TRPC3: variants seen among roughly 807,000 people sequenced by gnomAD.
TRPC3 encodes the protein short transient receptor potential channel 3.
In TRPC3, 54 loss-of-function variants were observed where a neutral mutation model predicts 90.9. The ratio of observed to expected loss-of-function variants is 0.59; its 90% CI spans 0.48 to 0.75. TRPC3 has a LOEUF of 0.75. Among genes scored for constraint, TRPC3 ranks in the 30% least tolerant of loss-of-function variants. The pLI, the probability that TRPC3 is intolerant of heterozygous loss-of-function variation, is 0.00. For synonymous variants in TRPC3, 424 were observed against 450.9 expected (o/e 0.94, Z 0.75); for missense variants, 918 against 1,194.5 (o/e 0.77, Z 3.41).
At chr4:121,900,858 C>T (rs755899780) in intron 9 of TRPC3, among the ~76,000 whole-genome samples, 3 of 152,094 alleles carry the variant, frequency 2.0e-5, no homozygotes, top group Non-Finnish European at 2.9e-5. Context: ...AACAAGCCTC[C>T]TGAGAGATCA....
intron 11 of TRPC3, among the ~76,000 whole-genome samples, chr4:121,881,053 G>C (rs1270044228): frequency 6.6e-6 from 1 of 151,980 alleles, no homozygotes. Context: ...AGTGGAAGGA[G>C]TGGATTCTCA....
At chr4:121,894,625 A>G (rs1728456135) in intron 10 of TRPC3, among the ~76,000 whole-genome samples, 3 of 115,978 alleles carry the variant, frequency 2.6e-5, no homozygotes, top group African/African-American at 9.9e-5. Flanking sequence ...GTGCAGTTGT[A>G]CAATCATGGC....
At chr4:121,899,718 T>C (rs200934579) in intron 9 of TRPC3, 23 bp from the exon 10 acceptor site, 31 of 1,504,902 alleles carry the variant, frequency 2.1e-5, no homozygotes, top group Middle Eastern at 1.7e-4. Flanking sequence ...ACAATTAACC[T>C]AGTAAATTAG....
chr4:121,894,980 T>G (rs1728469761), intron 10 of TRPC3, among the ~76,000 whole-genome samples: 1 of 152,104 alleles, frequency 6.6e-6, no homozygotes, highest in South Asian at 2.1e-4. Flanking sequence ...CTGACCACAA[T>G]GGAATAAAAT....
In TRPC3 at chr4:121,902,934, A is replaced by G. The variant is rs1372186923; in HGVS notation, c.2381T>C (p.Met794Thr). The G allele has an allele frequency of 6.2e-6, 10 of 1,613,604 alleles. No homozygotes were observed. The highest frequency in any genetic ancestry group is 1.1e-5 in the South Asian group (1 of 91,014). The change falls in exon 9 of 12, where the codon ATG becomes ACG. Residue 794 changes from methionine (M) to threonine (T), a missense_variant. Transcript: ENST00000379645. ...GCATTTGGGAAAGTTAACAATTCGC[A>G]TGATGAAATAAACAAATGATTTTGG... ...PSPKSFVYFI[M>T]RIVNFPKCRR... is the part of the protein sequence containing the mutation.
In TRPC3 at chr4:121,878,022, T is replaced by A. The variant is rs1012032283; in HGVS notation, c.*1714A>T. 2.0e-5 allele frequency among the ~76,000 whole-genome samples: 3 copies of A among 152,168 alleles called. No individual in the cohort carries two copies. Among genetic ancestry groups the A allele is most frequent in the Non-Finnish European group, 2.9e-5 (2 of 68,022 alleles). Reference sequence around the variant, plus strand: ...AATCCTGGACCATACTATAAAACTATCAGAAACATCTATTATAGAAACTTT... The same window carrying A: ...AATCCTGGACCATACTATAAAACTAACAGAAACATCTATTATAGAAACTTT... On this transcript the variant is annotated 3_prime_UTR_variant, in exon 12 of 12. Transcript: ENST00000379645.
At chr4:121,937,435 T>A (rs1163128836) in intron 1 of TRPC3, among the ~76,000 whole-genome samples, 1 of 152,264 alleles carries the variant, frequency 6.6e-6, no homozygotes, top group African/African-American at 2.4e-5. Flanking sequence ...ATTTAGTTTC[T>A]CTAAACTTTA....
At chr4:121,911,795 CA>C (rs961657432) in intron 5 of TRPC3, 81 bp downstream of exon 5, 16 of 1,343,986 alleles carry the variant, frequency 1.2e-5, no homozygotes, top group African/African-American at 7.5e-5. Context: ...GATATAATAA[CA>C]TTTTTTTTCA....
chr4:121,920,525 A>G (rs1406822692), intron 3 of TRPC3, among the ~76,000 whole-genome samples: 1 of 152,090 alleles, frequency 6.6e-6, no homozygotes, highest in East Asian at 1.9e-4. Context: ...CTCCATTTCA[A>G]AAAAAAGAAA....
intron 1 of TRPC3, among the ~76,000 whole-genome samples, chr4:121,941,147 T>C (rs1730297130): frequency 6.6e-6 from 1 of 152,202 alleles, no homozygotes; most frequent in Admixed American, 6.5e-5. Context: ...TCAGAACATT[T>C]TGGTTCTACA....
intron 5 of TRPC3, 145 bp from the exon 6 acceptor site, chr4:121,910,532 T>C (rs1324164699): frequency 1.5e-6 from 1 of 667,412 alleles, no homozygotes; most frequent in Non-Finnish European, 2.6e-6. Flanking sequence ...ACTGACTGTA[T>C]GGTCACTGAG....
chr4:121,877,780 A>C lies in TRPC3; in HGVS notation c.*1956T>G, dbSNP rs75892938. On this transcript the variant is annotated 3_prime_UTR_variant, in exon 12 of 12. Coordinates refer to ENST00000379645, the MANE Select transcript of TRPC3 (RefSeq NM_001130698.2). ...TCTACAGTTGTGAGGGGCATGGACA[A>C]AAAAAAAAAAAAAAAAAAGTCAGCT... Among the ~76,000 whole-genome samples, 1 of 780 alleles carries C rather than the reference A, an allele frequency of 1.3e-3. No homozygotes were observed. Among genetic ancestry groups the C allele is most frequent in the Non-Finnish European group, 2.5e-3 (1 of 406 alleles). The allele number at this position is 780 out of a possible 152,430, so 0.5% of individuals were successfully genotyped here. A position where few individuals can be genotyped will look rare whatever the true frequency, so the allele number is the denominator to read the frequency against.
At chr4:121,926,207 G>C (rs1729704979) in intron 2 of TRPC3, among the ~76,000 whole-genome samples, 1 of 152,128 alleles carries the variant, frequency 6.6e-6, no homozygotes, top group African/African-American at 2.4e-5. Flanking sequence ...ACCTCCGTGA[G>C]GACATCTGCC....
intron 5 of TRPC3, 24 bp from the exon 6 acceptor site, chr4:121,910,411 G>A (rs373681723): frequency 1.9e-6 from 3 of 1,598,496 alleles, no homozygotes; most frequent in East Asian, 2.2e-5. Context: ...TACAGAGGGT[G>A]CAGGTCAGAT....
At chr4:121,910,737 C>T (rs2149125008) in intron 5 of TRPC3, among the ~76,000 whole-genome samples, 1 of 152,200 alleles carries the variant, frequency 6.6e-6, no homozygotes, top group African/African-American at 2.4e-5. Flanking sequence ...TCCCATAAGA[C>T]TTTTGGAGAA....
At chr4:121,883,274 T>C (rs1266723773) in intron 10 of TRPC3, among the ~76,000 whole-genome samples, 2 of 152,224 alleles carry the variant, frequency 1.3e-5, no homozygotes, top group Admixed American at 6.5e-5. Context: ...CTGATTACAA[T>C]AGAAAAGACT....
rs138599520 is a variant in TRPC3, at chr4:121,932,724, G to A, written c.534C>T (p.Ala178=). The A allele has an allele frequency of 7.4e-6, 12 of 1,613,816 alleles. No individual in the cohort carries two copies. In the African/African-American group the frequency reaches 1.3e-4, roughly 18 times the overall value. Residue 178 remains alanine (A), a synonymous_variant, in exon 2 of 12, where the codon GCC becomes GCT. Transcript: ENST00000379645. The surrounding 1 kb of genome is among the most constrained non-coding windows in gnomAD (Gnocchi z 7.7). ...KKENLARIGD[A]LLLAISKGYV... ...AGCCCTTGCTGATGGCGAGCAGCAG[G>A]GCGTCGCCAATGCGCGCCAGGTTCT...
chr4:121,943,499 A>C (rs1227907604), intron 1 of TRPC3, among the ~76,000 whole-genome samples: 1 of 152,030 alleles, frequency 6.6e-6, no homozygotes, highest in African/African-American at 2.4e-5. Flanking sequence ...ATAACCTTTA[A>C]TAATTAATTA....
chr4:121,907,500 C>T lies in TRPC3; in HGVS notation c.1860G>A (p.Val620=), dbSNP rs1178912238. ...TGTACGCAATCCGAGAGAAGCTGAG[C>T]ACAACAGCTATGGCATAAAGGCCTT... ...ISEGLYAIAV[V]LSFSRIAYIL... is the part of the protein sequence containing the mutation. Residue 620 remains valine, a synonymous_variant, in exon 7 of 12, where the codon GTG becomes GTA. Coordinates refer to ENST00000379645, the MANE Select transcript of TRPC3 (RefSeq NM_001130698.2). The T allele has an allele frequency of 1.2e-6, 2 of 1,613,214 alleles. No homozygotes were observed. The highest frequency in any genetic ancestry group is 1.7e-6 in the Non-Finnish European group (2 of 1,179,488).
Sources: gnomAD v4.1 joint callset for allele counts (sites outside exome capture counted in the v4.1 genomes callset) on GRCh38, gnomAD v4.1.1 for gene constraint, Gnocchi (gnomAD v3.1) non-coding constraint, MANE v1.5 for transcripts, NCBI Gene and HGNC (gene_info 2026-07-23, HGNC 2026-07-21) for gene names.